Variants in NOS1AP observed in about 807,000 individuals in gnomAD.
NOS1AP encodes the protein carboxyl-terminal PDZ ligand of neuronal nitric oxide synthase protein.
A neutral mutation model predicts 56.2 loss-of-function variants in NOS1AP; 21 were observed. The observed-to-expected ratio is 0.37, with a 90% confidence interval of 0.26 to 0.54. The LOEUF (loss-of-function observed/expected upper bound fraction) is 0.54. Ranked by LOEUF, NOS1AP falls within the 20% of genes least tolerant of loss-of-function variation. The probability of loss-of-function intolerance (pLI) is 0.84; values close to 1 mark genes in which losing one functional copy is unlikely to be tolerated. For missense variants in NOS1AP, 522 were observed against 657.8 expected, an observed-to-expected ratio of 0.79 and a Z score of 2.26; for synonymous variants, 270 against 274.6, an observed-to-expected ratio of 0.98 and a Z score of 0.17.
At position 162,154,487 on chromosome 1, in the gene NOS1AP, AGAG is replaced by A. The variant is rs748733464; in HGVS notation, c.177+13_177+15del. 6.2e-7 allele frequency: 1 copy of A among 1,613,806 alleles called. No homozygotes were observed. Among genetic ancestry groups the A allele is most frequent in the Non-Finnish European group, 8.5e-7 (1 of 1,179,724 alleles). ...ATGCGCCGGATACGGGTGAGTGGCC[AGAG>A]GTGGACTGTGTGGAGCGGGGAGTCA... On this transcript the variant is annotated intron_variant, in intron 2 of 9. Coordinates refer to ENST00000361897, the MANE Select transcript of NOS1AP (RefSeq NM_014697.3).
intron 2 of NOS1AP, 91 bp downstream of exon 2, chr1:162,154,567 T>C (rs1649852891): frequency 2.5e-6 from 3 of 1,190,242 alleles, no homozygotes; most frequent in Non-Finnish European, 3.7e-6. Context: ...CCAAAATGGA[T>C]GGCTACACCC....
intron 2 of NOS1AP, among the ~76,000 whole-genome samples, chr1:162,248,705 T>A (rs1653753040): frequency 6.6e-6 from 1 of 152,108 alleles, no homozygotes; most frequent in Non-Finnish European, 1.5e-5. Context: ...AACAGATGAG[T>A]GTCGGTCATT....
At chr1:162,251,602 ATGTGTGTG>A (rs35955567) in intron 2 of NOS1AP, among the ~76,000 whole-genome samples, 20 of 146,276 alleles carry the variant, frequency 1.4e-4, no homozygotes, top group African/African-American at 3.3e-4. Flanking sequence ...AAATATATAT[ATGTGTGTG>A]TGTGTGTGTG....
At chr1:162,299,200 A>T (rs1222035248) in intron 3 of NOS1AP, among the ~76,000 whole-genome samples, 1 of 152,178 alleles carries the variant, frequency 6.6e-6, no homozygotes, top group Non-Finnish European at 1.5e-5. Flanking sequence ...TTATGAGGTC[A>T]TTAAAAAAAC....
chr1:162,283,104 C>CTG (rs369814579), intron 2 of NOS1AP, among the ~76,000 whole-genome samples: 60 of 122,464 alleles, frequency 4.9e-4, no homozygotes, highest in Admixed American at 1.1e-3. Context: ...CTCTCTCTCT[C>CTG]TGTGTGTGTG....
At chr1:162,193,209 C>G (rs1651697176) in intron 2 of NOS1AP, among the ~76,000 whole-genome samples, 1 of 152,026 alleles carries the variant, frequency 6.6e-6, no homozygotes, top group Non-Finnish European at 1.5e-5. Flanking sequence ...AAGCTGGAAG[C>G]CTGGGTTGTT....
intron 1 of NOS1AP, among the ~76,000 whole-genome samples, chr1:162,126,870 A>C (rs1321899615): frequency 6.6e-6 from 1 of 152,176 alleles, no homozygotes; most frequent in Non-Finnish European, 1.5e-5. Flanking sequence ...TGTATTGCCA[A>C]ACTTCTCTCC....
chr1:162,266,053 G>A (rs1245041244), intron 2 of NOS1AP, among the ~76,000 whole-genome samples: 1 of 152,184 alleles, frequency 6.6e-6, no homozygotes, highest in Non-Finnish European at 1.5e-5. Flanking sequence ...CTCTTCAGGT[G>A]TTTAGGAGCT....
At chr1:162,111,581 T>C (rs1223550803) in intron 1 of NOS1AP, among the ~76,000 whole-genome samples, 3 of 152,154 alleles carry the variant, frequency 2.0e-5, no homozygotes, top group Non-Finnish European at 2.9e-5. Flanking sequence ...CTTGATGGCA[T>C]GTGTGAAAAT....
intron 2 of NOS1AP, among the ~76,000 whole-genome samples, chr1:162,211,530 G>C (rs1457875214): frequency 6.6e-6 from 1 of 152,156 alleles, no homozygotes; most frequent in African/African-American, 2.4e-5. Context: ...GAATGTTGGT[G>C]GGGGAGGGAC....
At chr1:162,301,571 G>T (rs967563327) in intron 4 of NOS1AP, among the ~76,000 whole-genome samples, 1 of 152,172 alleles carries the variant, frequency 6.6e-6, no homozygotes, top group Non-Finnish European at 1.5e-5. Context: ...AGATTAGATG[G>T]CTGCCAACCA....
chr1:162,331,838 G>A (rs1656780419), intron 4 of NOS1AP, among the ~76,000 whole-genome samples: 1 of 124,114 alleles, frequency 8.1e-6, no homozygotes, highest in African/African-American at 2.8e-5. Context: ...GCCCTGGGGG[G>A]GCCCTGTCCT....
At chr1:162,290,356 G>A (rs766013737) in intron 3 of NOS1AP, among the ~76,000 whole-genome samples, 28 of 132,886 alleles carry the variant, frequency 2.1e-4, no homozygotes, top group Non-Finnish European at 3.4e-4. Context: ...ACAGATGAAT[G>A]CACATTAACA....
chr1:162,118,726 A>G (rs939607630), intron 1 of NOS1AP, among the ~76,000 whole-genome samples: 1 of 152,242 alleles, frequency 6.6e-6, no homozygotes, highest in Non-Finnish European at 1.5e-5. Context: ...TATATATATT[A>G]GTCAATTGAT....
chr1:162,120,823 A>G (rs928835178), intron 1 of NOS1AP, among the ~76,000 whole-genome samples: 1 of 152,196 alleles, frequency 6.6e-6, no homozygotes, highest in Non-Finnish European at 1.5e-5. Context: ...TTTTTCCCTC[A>G]TACCTTTTAA....
At chr1:162,341,181 A>G (rs551071604) in intron 5 of NOS1AP, among the ~76,000 whole-genome samples, 4 of 152,192 alleles carry the variant, frequency 2.6e-5, no homozygotes, top group Non-Finnish European at 5.9e-5. Flanking sequence ...GGATCTTTAA[A>G]TTTTTAATAT....
At chr1:162,168,556 T>G (rs939486703) in intron 2 of NOS1AP, among the ~76,000 whole-genome samples, 31 of 152,226 alleles carry the variant, frequency 2.0e-4, no homozygotes, top group Non-Finnish European at 8.8e-5. Flanking sequence ...AAGGGTTGCC[T>G]GCTCACTTGG....
chr1:162,307,708 G>C lies in NOS1AP; in HGVS notation c.344+7002G>C, dbSNP rs1397431289. ...TGCCTGTAGTCCCAGCTACTTGGGAGGCTGAGGCAGGAGAGTGGCGTGAAC... is the reference window on the plus strand; with the variant it reads ...TGCCTGTAGTCCCAGCTACTTGGGACGCTGAGGCAGGAGAGTGGCGTGAAC... On this transcript the variant is annotated intron_variant, in intron 4 of 9. Transcript: ENST00000361897. 2.6e-5 allele frequency among the ~76,000 whole-genome samples: 4 copies of C among 152,266 alleles called. No homozygotes were observed. The East Asian group carries it at 7.7e-4, about 29-fold the overall frequency.
intron 2 of NOS1AP, among the ~76,000 whole-genome samples, chr1:162,204,807 G>A (rs943913978): frequency 4.6e-5 from 7 of 152,210 alleles, no homozygotes; most frequent in African/African-American, 1.7e-4. Context: ...CTGGGTTGGT[G>A]TTGCTGCAAT....
Sources: allele counts gnomAD v4.1 joint callset (sites outside exome capture counted in the v4.1 genomes callset), GRCh38; gene constraint gnomAD v4.1.1; transcripts MANE v1.5; gene names NCBI Gene and HGNC (gene_info 2026-07-23, HGNC 2026-07-21).